PCDHGB3: variants seen among roughly 807,000 people sequenced by gnomAD.
PCDHGB3 encodes protocadherin gamma-B3.
A neutral mutation model predicts 59.2 loss-of-function variants in PCDHGB3; 40 were observed. That is an observed-to-expected ratio of 0.68 (90% confidence interval 0.52 to 0.88). The LOEUF (loss-of-function observed/expected upper bound fraction) is 0.88. Ranked by LOEUF, PCDHGB3 falls within the 40% of genes least tolerant of loss-of-function variation. The pLI is 0.00. For missense variants in PCDHGB3, 1,309 were observed against 1,187.9 expected, an observed-to-expected ratio of 1.10 and a Z score of -1.50; for synonymous variants, 581 against 503.6, an observed-to-expected ratio of 1.15 and a Z score of -2.06.
intron 1 of PCDHGB3, chr5:141,376,292 G>T: frequency 6.2e-7 from 1 of 1,614,156 alleles, no homozygotes; most frequent in Non-Finnish European, 8.5e-7. Flanking sequence ...GAGCATGCCC[G>T]GCTCGCACTT....
At chr5:141,435,875 T>C (rs1324511823) in intron 1 of PCDHGB3, among the ~76,000 whole-genome samples, 1 of 152,100 alleles carries the variant, frequency 6.6e-6, no homozygotes, top group African/African-American at 2.4e-5. Flanking sequence ...AGAAAAGAGA[T>C]TGGAAACCCC....
intron 1 of PCDHGB3, among the ~76,000 whole-genome samples, chr5:141,434,609 G>T (rs189866750): frequency 1.3e-5 from 2 of 151,946 alleles, no homozygotes; most frequent in Non-Finnish European, 2.9e-5. Flanking sequence ...CTTTATTTCC[G>T]CCCATCTCTT....
At chr5:141,454,620 G>T (rs1028840158) in intron 1 of PCDHGB3, among the ~76,000 whole-genome samples, 1 of 151,520 alleles carries the variant, frequency 6.6e-6, no homozygotes, top group East Asian at 1.9e-4. Flanking sequence ...TGGTCAGGCT[G>T]GTCTCGAACC....
At chr5:141,484,506 G>T (rs1442936814) in intron 1 of PCDHGB3, among the ~76,000 whole-genome samples, 1 of 152,186 alleles carries the variant, frequency 6.6e-6, no homozygotes, top group Non-Finnish European at 1.5e-5. Context: ...TGAATATTCT[G>T]CAGAAGGGCA....
Position 141,431,054 on chromosome 5 carries a change from G to T in PCDHGB3, c.2415+58245G>T. 6.2e-7 allele frequency: 1 copy of T among 1,614,198 alleles called. No individual in the cohort carries two copies. The highest frequency in any genetic ancestry group is 8.5e-7 in the Non-Finnish European group (1 of 1,180,004). ...AGACCGGGAGGAGCTCTGTATGGGG[G>T]CCATCAAGTGTCAATTAAATCTAGA... On this transcript the variant is annotated intron_variant, in intron 1 of 3. Transcript: ENST00000576222. This position sits in a 1 kb window ranked among gnomAD's most constrained non-coding sequence, Gnocchi z 4.8.
In PCDHGB3 at chr5:141,487,470, G is replaced by C; in HGVS notation, c.2416-7337G>C. ...GACCCTATCAAGTTTGTTGATGTGG[G>C]AGGCCACTCTCATGGCTGTACACCC... On this transcript the variant is annotated intron_variant, in intron 1 of 3. Coordinates refer to ENST00000576222, the MANE Select transcript of PCDHGB3 (RefSeq NM_018924.5). The surrounding 1 kb of genome is among the most constrained non-coding windows in gnomAD (Gnocchi z 5.0). The C allele has an allele frequency of 1.9e-6, 3 of 1,614,162 alleles. No individual in the cohort carries two copies. Among genetic ancestry groups the C allele is most frequent in the South Asian group, 1.1e-5 (1 of 91,084 alleles).
At chr5:141,403,425 T>C in intron 1 of PCDHGB3, 1 of 1,614,040 alleles carries the variant, frequency 6.2e-7, no homozygotes, top group South Asian at 1.1e-5. Context: ...CCAGAAGCTA[T>C]TGATCCGGAT....
In PCDHGB3 at chr5:141,409,431, T is replaced by C. The variant is rs191277647; in HGVS notation, c.2415+36622T>C. 41 of 1,614,006 alleles carry C rather than the reference T, an allele frequency of 2.5e-5. No homozygotes were observed. In the African/African-American group the frequency reaches 3.9e-4, roughly 15 times the overall value. Reference sequence around the variant, plus strand: ...TACAAACTGGTGACAGATGGAGCCCTGGACCGAGAGCAGACACCAGAATAC... The same window carrying C: ...TACAAACTGGTGACAGATGGAGCCCCGGACCGAGAGCAGACACCAGAATAC... On this transcript the variant is annotated intron_variant, in intron 1 of 3. Transcript: ENST00000576222.
intron 1 of PCDHGB3, chr5:141,400,092 G>A (rs2093959231): frequency 6.2e-7 from 1 of 1,613,942 alleles, no homozygotes; most frequent in South Asian, 1.1e-5. Context: ...CCACCGCCAC[G>A]CTGCACTTGG....
At chr5:141,374,627 G>T (rs955993144) in intron 1 of PCDHGB3, 5 of 1,613,182 alleles carry the variant, frequency 3.1e-6, no homozygotes, top group Admixed American at 1.7e-5. Flanking sequence ...CTCAGTGGAC[G>T]TGCAAAGCGA....
intron 1 of PCDHGB3, chr5:141,442,360 G>A (rs890049391): frequency 6.6e-6 from 1 of 152,272 alleles, no homozygotes; most frequent in African/African-American, 2.4e-5. Flanking sequence ...GTAGCTCTAT[G>A]ATGCCATATT....
intron 1 of PCDHGB3, chr5:141,394,897 T>C (rs773335725): frequency 3.1e-6 from 5 of 1,613,682 alleles, no homozygotes; most frequent in Non-Finnish European, 4.2e-6. Flanking sequence ...TATCTCGTGG[T>C]GGCAGTGGCT....
At chr5:141,446,891 C>A (rs1457416718) in intron 1 of PCDHGB3, among the ~76,000 whole-genome samples, 1 of 152,152 alleles carries the variant, frequency 6.6e-6, no homozygotes, top group Non-Finnish European at 1.5e-5. Context: ...GGGTTCATGG[C>A]TGAGCTACTT....
chr5:141,374,627 G>A (rs955993144), intron 1 of PCDHGB3: 2 of 1,613,064 alleles, frequency 1.2e-6, no homozygotes, highest in African/African-American at 1.3e-5. Flanking sequence ...CTCAGTGGAC[G>A]TGCAAAGCGA....
intron 1 of PCDHGB3, among the ~76,000 whole-genome samples, chr5:141,472,980 C>CAAAAAAAAAAAAAAAAAGAAAAAAA (rs2099309731): frequency 1.2e-5 from 1 of 86,102 alleles, no homozygotes; most frequent in African/African-American, 3.9e-5. Flanking sequence ...GAGTGAAACT[C>CAAAAAAAAAAAAAAAAAGAAAAAAA]AAAAAAAAAA....
At chr5:141,459,035 AC>A (rs1337856322) in intron 1 of PCDHGB3, among the ~76,000 whole-genome samples, 1 of 152,218 alleles carries the variant, frequency 6.6e-6, no homozygotes, top group Non-Finnish European at 1.5e-5. Flanking sequence ...ATCCAGCCTT[AC>A]CAGCTATATT....
intron 1 of PCDHGB3, chr5:141,394,693 G>T (rs1310404999): frequency 1.2e-6 from 2 of 1,612,890 alleles, no homozygotes; most frequent in African/African-American, 1.3e-5. Context: ...GGCGAGGTGC[G>T]CACGGCGCGA....
In PCDHGB3 at chr5:141,385,085, A is replaced by G. The variant is rs753751562; in HGVS notation, c.2415+12276A>G. The G allele has an allele frequency of 1.1e-5, 18 of 1,614,014 alleles. No homozygotes were observed. In the Admixed American group the frequency reaches 3.0e-4, roughly 27 times the overall value. On this transcript the variant is annotated intron_variant, in intron 1 of 3. Transcript: ENST00000576222. ...AAGTCACGCCTGCTGCAGGCTTCAGAAGGTGGCTTGGCGAACGTGCCCACC... is the reference window on the plus strand; with the variant it reads ...AAGTCACGCCTGCTGCAGGCTTCAGGAGGTGGCTTGGCGAACGTGCCCACC...
chr5:141,395,372 G>A, intron 1 of PCDHGB3: 2 of 1,191,834 alleles, frequency 1.7e-6, no homozygotes, highest in Non-Finnish European at 2.3e-6. Flanking sequence ...TTATTTTGGT[G>A]GTGTTACTAT....
Sources: allele counts gnomAD v4.1 joint callset (sites outside exome capture counted in the v4.1 genomes callset), GRCh38; gene constraint gnomAD v4.1.1; non-coding constraint Gnocchi (gnomAD v3.1); transcripts MANE v1.5; gene names NCBI Gene and HGNC (gene_info 2026-07-23, HGNC 2026-07-21).